HADHA: variants seen among roughly 807,000 people sequenced by gnomAD.
HADHA encodes the protein trifunctional enzyme subunit alpha, mitochondrial.
Under a neutral mutation model 91.3 loss-of-function variants are expected in HADHA, and 59 were observed. The observed-to-expected ratio is 0.65, with a 90% confidence interval of 0.52 to 0.80. The LOEUF (loss-of-function observed/expected upper bound fraction) is 0.80. Ranked by LOEUF, HADHA falls within the 30% of genes least tolerant of loss-of-function variation. The pLI is 0.00. For synonymous variants in HADHA, 320 were observed against 338.9 expected (o/e 0.94, Z 0.61); for missense variants, 800 against 927.6 (o/e 0.86, Z 1.79).
Position 26,238,204 on chromosome 2 carries a change from C to T in HADHA, c.180+730G>A, listed in dbSNP as rs139128580. Reference sequence around the variant, plus strand: ...TATTTTTTATAGAGACAAGGTCTTGCTATGTTGCCCAGGGTGGTCTCAAAC... The same window carrying T: ...TATTTTTTATAGAGACAAGGTCTTGTTATGTTGCCCAGGGTGGTCTCAAAC... On this transcript the variant is annotated intron_variant, in intron 3 of 19. Coordinates refer to ENST00000380649, the MANE Select transcript of HADHA (RefSeq NM_000182.5). 3.2e-3 allele frequency among the ~76,000 whole-genome samples: 484 copies of T among 152,240 alleles called. 3 individuals are homozygous for T. Among genetic ancestry groups the T allele is most frequent in the African/African-American group, 0.011 (466 of 41,546 alleles).
chr2:26,203,157 A>T (rs190553758), intron 12 of HADHA, among the ~76,000 whole-genome samples: 3 of 152,354 alleles, frequency 2.0e-5, no homozygotes, highest in African/African-American at 7.2e-5. Flanking sequence ...GTTATCTTAC[A>T]ATAATCTGCC....
chr2:26,242,937 G>C (rs1328502239), intron 1 of HADHA, among the ~76,000 whole-genome samples: 1 of 152,188 alleles, frequency 6.6e-6, no homozygotes, highest in Non-Finnish European at 1.5e-5. Context: ...ATTTTTAGTA[G>C]AGACGGGGTT....
In HADHA at chr2:26,201,213, A is replaced by G. The variant is rs1309705375; in HGVS notation, c.1328T>C (p.Met443Thr). The G allele has an allele frequency of 3.1e-6, 5 of 1,613,690 alleles. No individual in the cohort carries two copies. Among genetic ancestry groups the G allele is most frequent in the Non-Finnish European group, 4.2e-6 (5 of 1,179,702 alleles). Reference protein sequence around the residue: ...LDYQGFEKADMVIEAVFEDLS... With the variant: ...LDYQGFEKADTVIEAVFEDLS... ...GTCCTCAAACACAGCTTCAATCACC[A>G]TGTCGGCCTTTTCAAAACCTTGGTA... is the stretch of plus-strand genomic sequence containing the variant. Residue 443 changes from methionine to threonine, a missense_variant, in exon 13 of 20, where the codon ATG becomes ACG. Coordinates refer to ENST00000380649, the MANE Select transcript of HADHA (RefSeq NM_000182.5).
At chr2:26,239,401 C>A (rs559576738) in intron 1 of HADHA, among the ~76,000 whole-genome samples, 1 of 152,216 alleles carries the variant, frequency 6.6e-6, no homozygotes, top group South Asian at 2.1e-4. Context: ...TTAGGTTACA[C>A]GGCAAAGGGG....
Position 26,236,865 on chromosome 2 carries a change from C to A in HADHA, c.304G>T (p.Ala102Ser). ...TTTCCTAAAACTTACTTGATATCAG[C>A]ACCTGCAATAAAGCAGCCTGGCTTT... ...SSKPGCFIAG[A>S]DINMLAACKT... The change falls in exon 4 of 20, where the codon GCT (alanine) becomes TCT (serine). Residue 102 changes from alanine (A) to serine (S), a missense_variant. By Grantham distance (99) the Ala-to-Ser change is moderately conservative (BLOSUM62 1). Coordinates refer to ENST00000380649, the MANE Select transcript of HADHA (RefSeq NM_000182.5). 6.2e-7 allele frequency: 1 copy of A among 1,611,792 alleles called. No individual in the cohort carries two copies. Among genetic ancestry groups the A allele is most frequent in the Non-Finnish European group, 8.5e-7 (1 of 1,178,888 alleles).
intron 7 of HADHA, among the ~76,000 whole-genome samples, chr2:26,222,090 GA>G (rs1670388168): frequency 6.6e-6 from 1 of 152,132 alleles, no homozygotes; most frequent in Non-Finnish European, 1.5e-5. Flanking sequence ...GGCCTTTAAA[GA>G]AGCGATTAAG....
At chr2:26,243,537 TATTCAATCATTAAAAAAATC>T (rs1434281380) in intron 1 of HADHA, among the ~76,000 whole-genome samples, 1 of 151,648 alleles carries the variant, frequency 6.6e-6, no homozygotes, top group African/African-American at 2.4e-5. Context: ...AGCAGAAAAA[TATTCAATCATTAAAAAAATC>T]CCCTTACAGT....
At chr2:26,236,339 A>ATGTGTGTGTGTG (rs752287719) in intron 4 of HADHA, among the ~76,000 whole-genome samples, 1 of 109,858 alleles carries the variant, frequency 9.1e-6, no homozygotes, top group Non-Finnish European at 1.9e-5. Flanking sequence ...AGATCACATG[A>ATGTGTGTGTGTG]TGTGTGTGTG....
chr2:26,204,543 AC>A (rs1447244840), intron 11 of HADHA, among the ~76,000 whole-genome samples: 9 of 152,302 alleles, frequency 5.9e-5, no homozygotes, highest in African/African-American at 2.2e-4. Context: ...TTCTTATTGA[AC>A]AACTTATTTG....
In HADHA at chr2:26,229,824, G is replaced by T. The variant is rs920719968; in HGVS notation, c.676+368C>A. On this transcript the variant is annotated intron_variant, in intron 7 of 19. Coordinates refer to ENST00000380649, the MANE Select transcript of HADHA (RefSeq NM_000182.5). This position sits in a 1 kb window ranked among gnomAD's most constrained non-coding sequence, Gnocchi z 4.3. ...TCTGTGCTTCCTGTGATATTCAAGA[G>T]GTTAACTGTTTTTTCTTTTGAGATG... 1.3e-5 allele frequency among the ~76,000 whole-genome samples: 2 copies of T among 152,126 alleles called. No homozygotes were observed. Among genetic ancestry groups the T allele is most frequent in the African/African-American group, 4.8e-5 (2 of 41,446 alleles).
Position 26,195,154 on chromosome 2 carries a change from C to T in HADHA, c.1558G>A (p.Asp520Asn), listed in dbSNP as rs1169506019. The change falls in exon 15 of 20, where the codon GAC becomes AAC. Residue 520 changes from aspartate to asparagine, a missense_variant. Physicochemically the swap from Asp to Asn is conservative, Grantham distance 23 (BLOSUM62 1). Transcript: ENST00000380649. ...EIITTEKTSK[D>N]TSASAVAVGL... is the part of the protein sequence containing the mutation. Reference sequence around the variant, plus strand: ...ACTGCTACAGCTGAAGCACTGGTGTCTTTGGAAGTTTTCTCGGTCGTGATA... The same window carrying T: ...ACTGCTACAGCTGAAGCACTGGTGTTTTTGGAAGTTTTCTCGGTCGTGATA... 3 of 1,612,874 alleles carry T rather than the reference C, an allele frequency of 1.9e-6. No homozygotes were observed. Among genetic ancestry groups the T allele is most frequent in the Non-Finnish European group, 2.5e-6 (3 of 1,178,992 alleles).
chr2:26,219,130 AAT>A (rs1670308187), intron 7 of HADHA, among the ~76,000 whole-genome samples: 1 of 151,610 alleles, frequency 6.6e-6, no homozygotes. Flanking sequence ...GAAGACAAAA[AAT>A]ATATATATTT....
intron 11 of HADHA, among the ~76,000 whole-genome samples, chr2:26,208,905 G>A (rs760159683): frequency 2.6e-5 from 4 of 152,030 alleles, no homozygotes; most frequent in African/African-American, 4.8e-5. Context: ...TGTTTCACCC[G>A]GACTTCTTAT....
At chr2:26,197,877 G>GT in intron 13 of HADHA, 100 bp from the exon 14 acceptor site, 2 of 756,832 alleles carry the variant, frequency 2.6e-6, no homozygotes, top group South Asian at 1.4e-5. Context: ...AGCCCACTCT[G>GT]TCCCCCACAA....
Position 26,210,302 on chromosome 2 carries a change from A to G in HADHA, c.976-413T>C, listed in dbSNP as rs1339885859. Reference sequence around the variant, plus strand: ...CTTTGCTCAAGGCTATACTGCCTCAAAGTGGCAGAAATGGAACTTGAACCA... The same window carrying G: ...CTTTGCTCAAGGCTATACTGCCTCAGAGTGGCAGAAATGGAACTTGAACCA... On this transcript the variant is annotated intron_variant, in intron 10 of 19. Coordinates refer to ENST00000380649, the MANE Select transcript of HADHA (RefSeq NM_000182.5). This position sits in a 1 kb window ranked among gnomAD's most constrained non-coding sequence, Gnocchi z 4.0. Among the ~76,000 whole-genome samples, 4 of 152,232 alleles carry G rather than the reference A, an allele frequency of 2.6e-5. No homozygotes were observed. Among genetic ancestry groups the G allele is most frequent in the Admixed American group, 6.5e-5 (1 of 15,290 alleles).
At chr2:26,230,422 C>G in intron 6 of HADHA, 128 bp from the exon 7 acceptor site, 2 of 710,408 alleles carry the variant, frequency 2.8e-6, no homozygotes, top group Non-Finnish European at 5.1e-6. Context: ...TGCTATTTGT[C>G]AACAGCATAG....
intron 11 of HADHA, among the ~76,000 whole-genome samples, chr2:26,206,658 A>G (rs986004475): frequency 1.3e-5 from 2 of 152,224 alleles, no homozygotes; most frequent in African/African-American, 4.8e-5. Flanking sequence ...ACTGTATAAC[A>G]TAGTAATTCT....
At chr2:26,212,298 G>A in intron 10 of HADHA, 1 of 439,620 alleles carries the variant, frequency 2.3e-6, no homozygotes, top group East Asian at 4.6e-5. Context: ...TGTTGCACAT[G>A]CTGGTCTTGA....
At chr2:26,202,515 C>T (rs940110022) in intron 12 of HADHA, among the ~76,000 whole-genome samples, 11 of 152,110 alleles carry the variant, frequency 7.2e-5, no homozygotes, top group Non-Finnish European at 1.3e-4. Flanking sequence ...CTGCAGCAGG[C>T]GGATCACTTG....
Sources: gnomAD v4.1 joint callset for allele counts (sites outside exome capture counted in the v4.1 genomes callset) on GRCh38, gnomAD v4.1.1 for gene constraint, Gnocchi (gnomAD v3.1) non-coding constraint, MANE v1.5 for transcripts, NCBI Gene and HGNC (gene_info 2026-07-23, HGNC 2026-07-21) for gene names.